The following EDA variants were observed in gnomAD, a reference collection of about 807,000 sequenced individuals.
The protein encoded by EDA is ectodysplasin-A.
Under a neutral mutation model 23.6 loss-of-function variants are expected in EDA, and 2 were observed. That is an observed-to-expected ratio of 0.08 (90% CI 0.03 to 0.27). The LOEUF is 0.27. EDA is among the 10% of genes least tolerant of loss of function. EDA has a pLI of 1.00. For synonymous variants in EDA, 131 were observed against 132.0 expected (o/e 0.99, Z 0.05); for missense variants, 229 against 324.2 (o/e 0.71, Z 2.26).
At chrX:69,710,668 G>A (rs144679855) in intron 1 of EDA, among the ~76,000 whole-genome samples, 1 of 111,483 alleles carries the variant, frequency 9.0e-6, no homozygotes, top group Non-Finnish European at 1.9e-5. Context: ...TGATTTCATT[G>A]AGCAGTGGCT....
At chrX:69,972,450 T>C (rs1478941318) in intron 2 of EDA, among the ~76,000 whole-genome samples, 1 of 111,778 alleles carries the variant, frequency 8.9e-6, no homozygotes, top group Non-Finnish European at 1.9e-5. Flanking sequence ...GACACTATCA[T>C]AGAAATAACA....
At chrX:69,658,919 C>T (rs1016593493) in intron 1 of EDA, among the ~76,000 whole-genome samples, 3 of 111,571 alleles carry the variant, frequency 2.7e-5, no homozygotes, top group African/African-American at 9.8e-5. Context: ...AAGCATTTGT[C>T]TTTACTCTGA....
chrX:69,981,489 T>C (rs1206151597), intron 2 of EDA, among the ~76,000 whole-genome samples: 1 of 111,838 alleles, frequency 8.9e-6, no homozygotes, highest in Non-Finnish European at 1.9e-5. Flanking sequence ...ATCATTCTTT[T>C]TCTGTTCCAA....
intron 3 of EDA, among the ~76,000 whole-genome samples, chrX:70,023,721 C>T (rs763804180): frequency 6.3e-5 from 7 of 110,430 alleles, no homozygotes; most frequent in African/African-American, 1.3e-4. Flanking sequence ...GAACTAGATA[C>T]GCTACCTATC....
At position 70,030,584 on chromosome X, in the gene EDA, AAAT is replaced by A; in HGVS notation, c.793+68_793+70del. ...CTCCCCTGCCTCCTCCCCAGCCTCCAAATAATCACCCAGCCTAGTTCCTCCCAG... is the reference window on the plus strand; with the variant it reads ...CTCCCCTGCCTCCTCCCCAGCCTCCAAATCACCCAGCCTAGTTCCTCCCAG... On this transcript the variant is annotated intron_variant, in intron 6 of 7. Coordinates refer to ENST00000374552, the MANE Select transcript of EDA (RefSeq NM_001399.5). 3 of 1,017,400 alleles carry A rather than the reference AAAT, an allele frequency of 2.9e-6. No homozygotes were observed. The South Asian group carries it at 6.0e-5, about 20-fold the overall frequency. The allele number at this position is 1,017,400 out of a possible 1,213,427, so 83.8% of individuals were successfully genotyped here.
chrX:69,797,856 T>C (rs1165466932), intron 1 of EDA, among the ~76,000 whole-genome samples: 2 of 111,828 alleles, frequency 1.8e-5, no homozygotes, highest in Non-Finnish European at 3.8e-5. Context: ...ATTCTCCACA[T>C]AAAAGATATA....
intron 1 of EDA, among the ~76,000 whole-genome samples, chrX:69,623,441 A>G (rs1241246799): frequency 1.8e-5 from 2 of 111,565 alleles, no homozygotes; most frequent in East Asian, 5.6e-4. Context: ...CTCATTTACA[A>G]GGGCTCTGCC....
intron 7 of EDA, among the ~76,000 whole-genome samples, chrX:70,034,291 C>T (rs1235395018): frequency 9.0e-6 from 1 of 111,573 alleles, no homozygotes; most frequent in Non-Finnish European, 1.9e-5. Context: ...AGATGGGTGT[C>T]ACATGAGAGC....
intron 1 of EDA, among the ~76,000 whole-genome samples, chrX:69,814,510 T>C (rs1160507761): frequency 2.7e-5 from 3 of 112,998 alleles, no homozygotes; most frequent in Non-Finnish European, 5.6e-5. Flanking sequence ...ACATTCTATT[T>C]CAAATGTTCA....
chrX:69,715,528 T>C (rs1348307106), intron 1 of EDA, among the ~76,000 whole-genome samples: 1 of 111,993 alleles, frequency 8.9e-6, no homozygotes. Flanking sequence ...TCTTTGCTAT[T>C]GTGAGTAGTG....
At chrX:69,734,480 T>C (rs1196224081) in intron 1 of EDA, among the ~76,000 whole-genome samples, 1 of 111,940 alleles carries the variant, frequency 8.9e-6, no homozygotes, top group African/African-American at 3.2e-5. Context: ...GCTTTGTGTT[T>C]AATTTGCTCT....
At chrX:69,738,792 A>G (rs1350242581) in intron 1 of EDA, among the ~76,000 whole-genome samples, 2 of 109,200 alleles carry the variant, frequency 1.8e-5, no homozygotes, top group Non-Finnish European at 3.8e-5. Flanking sequence ...CATATTTTTA[A>G]TTTCCCAACT....
chrX:69,697,106 C>T (rs980150540), intron 1 of EDA, among the ~76,000 whole-genome samples: 8 of 111,733 alleles, frequency 7.2e-5, no homozygotes, highest in Non-Finnish European at 1.5e-4. Flanking sequence ...TGGAGCAACA[C>T]GCTGTTTTAA....
chrX:70,025,910 C>G (rs1037291282), intron 3 of EDA, among the ~76,000 whole-genome samples: 7 of 111,679 alleles, frequency 6.3e-5, no homozygotes, highest in Admixed American at 9.5e-5. Context: ...CACGATGACC[C>G]CATGGTTTCA....
chrX:70,001,599 C>A (rs1302497681), intron 2 of EDA, among the ~76,000 whole-genome samples: 1 of 112,418 alleles, frequency 8.9e-6, no homozygotes, highest in Non-Finnish European at 1.9e-5. Context: ...TCCCTTCTGA[C>A]TCCTATGTTC....
intron 1 of EDA, among the ~76,000 whole-genome samples, chrX:69,623,417 A>T (rs1247193202): frequency 9.0e-6 from 1 of 111,436 alleles, no homozygotes; most frequent in Admixed American, 9.5e-5. Flanking sequence ...GACCTATTTT[A>T]TAAGGACATT....
At position 69,983,525 on chromosome X, in the gene EDA, T is replaced by G. The variant is rs780746365; in HGVS notation, c.502+26393T>G. On this transcript the variant is annotated intron_variant, in intron 2 of 7. Transcript: ENST00000374552. ...TTCTCCTTCACTTATGAAGCTTAGT[T>G]TGGCTGGATATGAAATTCTGGGTTG... 7.9e-3 allele frequency among the ~76,000 whole-genome samples: 117 copies of G among 14,752 alleles called. 1 individual carries two copies. In the South Asian group the frequency reaches 0.094, roughly 12 times the overall value. 12.8% of individuals were successfully genotyped at this position (14,752 alleles called of 115,157 possible). A position where few individuals can be genotyped will look rare whatever the true frequency, so the allele number is the denominator to read the frequency against.
At chrX:69,992,245 A>T (rs552768421) in intron 2 of EDA, among the ~76,000 whole-genome samples, 2 of 111,869 alleles carry the variant, frequency 1.8e-5, no homozygotes, top group Admixed American at 1.9e-4. Context: ...TAGCCAGTCC[A>T]CTTTCTCTTT....
intron 6 of EDA, 79 bp downstream of exon 6, chrX:70,030,599 C>G (rs1254995633): frequency 1.7e-5 from 16 of 927,255 alleles, no homozygotes; most frequent in Non-Finnish European, 2.4e-5. Context: ...ATCACCCAGC[C>G]TAGTTCCTCC....
Sources: allele counts gnomAD v4.1 joint callset (sites outside exome capture counted in the v4.1 genomes callset), GRCh38; gene constraint gnomAD v4.1.1; transcripts MANE v1.5; gene names NCBI Gene and HGNC (gene_info 2026-07-23, HGNC 2026-07-21).